HTR1A: variants seen among roughly 807,000 people sequenced by gnomAD.
HTR1A encodes 5-HT1a receptor.
In HTR1A, 17 loss-of-function variants were observed where a neutral mutation model predicts 24.6. The observed-to-expected ratio is 0.69, with a 90% CI of 0.47 to 1.04. HTR1A has a LOEUF of 1.04. HTR1A is among the 50% of genes least tolerant of loss of function. The pLI is 0.00. For missense variants in HTR1A, 515 were observed against 565.1 expected (o/e 0.91, Z 0.90); for synonymous variants, 262 against 244.6 (o/e 1.07, Z -0.67).
rs1429353062 is a variant in HTR1A at position 63,961,706 on chromosome 5, C to T, written c.14G>A (p.Ser5Asn). Reference sequence around the variant, plus strand: ...TGTGGTGTTGTTGCCCTGACCAGGGCTGAGCACATCCATGCCTGCGCGCCC... The same window carrying T: ...TGTGGTGTTGTTGCCCTGACCAGGGTTGAGCACATCCATGCCTGCGCGCCC... MDVL[S>N]PGQGNNTTSP... Residue 5 changes from serine to asparagine, a missense_variant, in exon 1 of 1, where the codon AGC becomes AAC. Transcript: ENST00000323865. The T allele has an allele frequency of 6.2e-7, 1 of 1,613,682 alleles. No individual in the cohort carries two copies. The highest frequency in any genetic ancestry group is 1.3e-5 in the African/African-American group (1 of 74,956).
In HTR1A at chr5:63,960,371, T is replaced by A. The variant is rs1214938797; in HGVS notation, c.*80A>T. On this transcript the variant is annotated 3_prime_UTR_variant, in exon 1 of 1. Coordinates refer to ENST00000323865, the MANE Select transcript of HTR1A (RefSeq NM_000524.4). Reference sequence around the variant, plus strand: ...AGGAGAAGTGGCGAATTATCTTAAGTGTTGATTCCCTAGGGTTGGGGGAAG... The same window carrying A: ...AGGAGAAGTGGCGAATTATCTTAAGAGTTGATTCCCTAGGGTTGGGGGAAG... The A allele has an allele frequency of 1.4e-6, 2 of 1,388,904 alleles. No homozygotes were observed. Among genetic ancestry groups the A allele is most frequent in the East Asian group, 2.3e-5 (1 of 43,768 alleles). The allele number at this position is 1,388,904 out of a possible 1,614,324, so 86.0% of individuals were successfully genotyped here.
rs568449506 is a variant in HTR1A at position 63,959,683 on chromosome 5, C to G, written c.*768G>C. Reference sequence around the variant, plus strand: ...CCCTCCTCCTCCTTGCTCTCCCCCACTGGCCCGGCCTTGTACTTACAAGTC... The same window carrying G: ...CCCTCCTCCTCCTTGCTCTCCCCCAGTGGCCCGGCCTTGTACTTACAAGTC... On this transcript the variant is annotated 3_prime_UTR_variant, in exon 1 of 1. Transcript: ENST00000323865. 1.3e-5 allele frequency among the ~76,000 whole-genome samples: 2 copies of G among 152,380 alleles called. No homozygotes were observed. Among genetic ancestry groups the G allele is most frequent in the African/African-American group, 4.8e-5 (2 of 41,596 alleles).
In HTR1A at chr5:63,961,535, G is replaced by A. The variant is rs751944692; in HGVS notation, c.185C>T (p.Ala62Val). 13 of 1,614,148 alleles carry A rather than the reference G, an allele frequency of 8.1e-6. No homozygotes were observed. In the South Asian group the frequency reaches 1.2e-4, roughly 15 times the overall value. The change falls in exon 1 of 1, where the codon GCC (alanine) becomes GTC (valine). Residue 62 changes from alanine (A) to valine (V), a missense_variant. This residue lies in a region of HTR1A where 80 missense variants were observed against 130.8 expected (regional missense o/e 0.61). Coordinates refer to ENST00000323865, the MANE Select transcript of HTR1A (RefSeq NM_000524.4). ...CACGTTCTGCAGGGAGCGCTCCAAG[G>A]CGATGGCAGCCACCACGCACGCATT... is the stretch of plus-strand genomic sequence containing the variant. ...LGNACVVAAI[A>V]LERSLQNVAN... is the part of the protein sequence containing the mutation.
In HTR1A at chr5:63,960,035, G is replaced by A. The variant is rs1042480687; in HGVS notation, c.*416C>T. Among the ~76,000 whole-genome samples the A allele has an allele frequency of 6.6e-6, 1 of 152,242 alleles. No individual in the cohort carries two copies. Among genetic ancestry groups the A allele is most frequent in the Non-Finnish European group, 1.5e-5 (1 of 68,048 alleles). On this transcript the variant is annotated 3_prime_UTR_variant, in exon 1 of 1. Transcript: ENST00000323865. ...GTCCAAGTTCTAGAAGTTGGGTGAT[G>A]GGGTGGAGCCCCTTAGTGGGCGCGG...
At position 63,960,432 on chromosome 5, in the gene HTR1A, GC is replaced by G. The variant is rs1746403336; in HGVS notation, c.*18del. On this transcript the variant is annotated 3_prime_UTR_variant, in exon 1 of 1. Coordinates refer to ENST00000323865, the MANE Select transcript of HTR1A (RefSeq NM_000524.4). ...GGGACGGATCCTGTAGCCTCGACTG[GC>G]CGGCTACTCCTCCGTCATCACTGGC... 6.2e-7 allele frequency: 1 copy of G among 1,613,020 alleles called. No individual in the cohort carries two copies. The highest frequency in any genetic ancestry group is 2.2e-5 in the East Asian group (1 of 44,874).
Position 63,958,267 on chromosome 5 carries a change from G to T in HTR1A, c.*2184C>A, listed in dbSNP as rs1342115675. ...AGAAGTCTATCTTATCTTCTTCACT[G>T]CAGACCCTTCTCAGCATTATACATG... On this transcript the variant is annotated 3_prime_UTR_variant, in exon 1 of 1. Coordinates refer to ENST00000323865, the MANE Select transcript of HTR1A (RefSeq NM_000524.4). Among the ~76,000 whole-genome samples, 1 of 152,162 alleles carries T rather than the reference G, an allele frequency of 6.6e-6. No individual in the cohort carries two copies. Among genetic ancestry groups the T allele is most frequent in the Admixed American group, 6.5e-5 (1 of 15,272 alleles).
chr5:63,960,581 A>AGGGT lies in HTR1A; in HGVS notation c.1135_1138dup (p.Leu380HisfsTer18). ...CAGCCAATTGATTATGGCGCCCAAC[A>AGGGT]GGGTGGGCATGTGGCAGCTGCTCTC... On this transcript the variant is annotated frameshift_variant, in exon 1 of 1. Coordinates refer to ENST00000323865, the MANE Select transcript of HTR1A (RefSeq NM_000524.4). LOFTEE classifies it high-confidence loss of function. 6.2e-7 allele frequency: 1 copy of AGGGT among 1,614,230 alleles called. No individual in the cohort carries two copies. The highest frequency in any genetic ancestry group is 8.5e-7 in the Non-Finnish European group (1 of 1,180,044).
rs977019564 is a variant in HTR1A at position 63,958,611 on chromosome 5, T to C, written c.*1840A>G. Among the ~76,000 whole-genome samples, 5 of 152,170 alleles carry C rather than the reference T, an allele frequency of 3.3e-5. No homozygotes were observed. The highest frequency in any genetic ancestry group is 7.4e-5 in the Non-Finnish European group (5 of 68,026). On this transcript the variant is annotated 3_prime_UTR_variant, in exon 1 of 1. Coordinates refer to ENST00000323865, the MANE Select transcript of HTR1A (RefSeq NM_000524.4). ...GTGAATTTTCTGGAAAACAAGACCA[T>C]TATTCATAAGAAAATTGGAGGCTAG...
Position 63,961,861 on chromosome 5 carries a change from C to T in HTR1A, c.-142G>A, listed in dbSNP as rs1746448145. 3.6e-6 allele frequency: 3 copies of T among 824,444 alleles called. No individual in the cohort carries two copies. Among genetic ancestry groups the T allele is most frequent in the Non-Finnish European group, 6.0e-6 (3 of 499,398 alleles). 51.1% of individuals were successfully genotyped at this position (824,444 alleles called of 1,614,324 possible). A position where few individuals can be genotyped will look rare whatever the true frequency, so the allele number is the denominator to read the frequency against. ...CAGAGACCCAAGCAGGAAGTTCTTA[C>T]TGCTTCGGCGAAGGGTATCTCCGAG... is the stretch of plus-strand genomic sequence containing the variant. On this transcript the variant is annotated 5_prime_UTR_variant, in exon 1 of 1. Transcript: ENST00000323865.
chr5:63,960,586 G>A lies in HTR1A; in HGVS notation c.1134C>T (p.Pro378=), dbSNP rs199715792. Reference sequence around the variant, plus strand: ...AATTGATTATGGCGCCCAACAGGGTGGGCATGTGGCAGCTGCTCTCGCAGA... The same window carrying A: ...AATTGATTATGGCGCCCAACAGGGTAGGCATGTGGCAGCTGCTCTCGCAGA... The part of the protein sequence containing the change: ...LPFCESSCHM[P]TLLGAIINWL... Residue 378 remains proline (P), a synonymous_variant, in exon 1 of 1, where the codon CCC becomes CCT. Transcript: ENST00000323865. 1.2e-6 allele frequency: 2 copies of A among 1,614,112 alleles called. No homozygotes were observed. Among genetic ancestry groups the A allele is most frequent in the Admixed American group, 1.7e-5 (1 of 60,012 alleles).
rs1746457259 is a variant in HTR1A, at chr5:63,962,395, C to T, written c.-676G>A. Reference sequence around the variant, plus strand: ...TGCCTCTTTCCTCTGGGTCCCCGCCCTCCTCTCCCTCTAGCTCAGCGTCTT... The same window carrying T: ...TGCCTCTTTCCTCTGGGTCCCCGCCTTCCTCTCCCTCTAGCTCAGCGTCTT... On this transcript the variant is annotated 5_prime_UTR_variant, in exon 1 of 1. Transcript: ENST00000323865. 5.0e-5 allele frequency: 8 copies of T among 159,050 alleles called. No homozygotes were observed. Among genetic ancestry groups the T allele is most frequent in the Admixed American group, 3.5e-4 (6 of 17,040 alleles). 9.9% of individuals were successfully genotyped at this position (159,050 alleles called of 1,614,324 possible). A position where few individuals can be genotyped will look rare whatever the true frequency, so the allele number is the denominator to read the frequency against.
Position 63,961,800 on chromosome 5 carries a change from C to T in HTR1A, c.-81G>A, listed in dbSNP as rs1259097135. ...CCTCGCCCCTTCCCCTGGGGTCTTC[C>T]GCCCTTCTCCTGGGAAGTTTCGGAG... On this transcript the variant is annotated 5_prime_UTR_variant, in exon 1 of 1. Coordinates refer to ENST00000323865, the MANE Select transcript of HTR1A (RefSeq NM_000524.4). 2.8e-6 allele frequency: 4 copies of T among 1,432,628 alleles called. No individual in the cohort carries two copies. In the African/African-American group the frequency reaches 4.2e-5, roughly 15 times the overall value. The allele number at this position is 1,432,628 out of a possible 1,614,324, so 88.7% of individuals were successfully genotyped here. A position where few individuals can be genotyped will look rare whatever the true frequency, so the allele number is the denominator to read the frequency against.
In HTR1A at chr5:63,961,452, G is replaced by A. The variant is rs372275048; in HGVS notation, c.268C>T (p.Leu90=). 1.7e-5 allele frequency: 28 copies of A among 1,613,808 alleles called. No homozygotes were observed. The highest frequency in any genetic ancestry group is 2.3e-5 in the Non-Finnish European group (27 of 1,179,896). ...VTDLMVSVLV[L]PMAALYQVLN... is the part of the protein sequence containing the mutation. ...ACCTGATACAGCGCGGCCATGGGCA[G>A]CACCAACACCGACACCATGAGGTCG... Residue 90 remains leucine, a synonymous_variant, in exon 1 of 1, where the codon CTG becomes TTG. Coordinates refer to ENST00000323865, the MANE Select transcript of HTR1A (RefSeq NM_000524.4).
rs140471121 is a variant in HTR1A at position 63,960,275 on chromosome 5, A to C, written c.*176T>G. Reference sequence around the variant, plus strand: ...CCTCCGCTGGGTCTCCTTTGCACAAAGGGCCCTGCCGTGGAGCAGGAAGTG... The same window carrying C: ...CCTCCGCTGGGTCTCCTTTGCACAACGGGCCCTGCCGTGGAGCAGGAAGTG... On this transcript the variant is annotated 3_prime_UTR_variant, in exon 1 of 1. Transcript: ENST00000323865. 4,815 of 727,340 alleles carry C rather than the reference A, an allele frequency of 6.6e-3. 23 individuals carry two copies. The highest frequency in any genetic ancestry group is 9.0e-3 in the Non-Finnish European group (3,722 of 414,080). The allele number at this position is 727,340 out of a possible 1,614,324, so 45.1% of individuals were successfully genotyped here.
Position 63,960,830 on chromosome 5 carries a change from C to T in HTR1A, c.890G>A (p.Arg297Gln), listed in dbSNP as rs866709542. The T allele has an allele frequency of 1.2e-6, 2 of 1,614,022 alleles. No individual in the cohort carries two copies. The highest frequency in any genetic ancestry group is 2.7e-5 in the African/African-American group (2 of 74,940). The change falls in exon 1 of 1, where the codon CGA (arginine) becomes CAA (glutamine). Residue 297 changes from arginine to glutamine, a missense_variant. Physicochemically the swap from Arg to Gln is conservative, Grantham distance 43 (BLOSUM62 1). Coordinates refer to ENST00000323865, the MANE Select transcript of HTR1A (RefSeq NM_000524.4). ...CAAGTGCTCTTTGGAGTTGCCCACT[C>T]GGTGCACCTCGATCACCTCCAGGGC... ...GAALEVIEVH[R>Q]VGNSKEHLPL...
rs773610616 is a variant in HTR1A at position 63,961,300 on chromosome 5, G to A, written c.420C>T (p.Asp140=). 3 of 1,614,130 alleles carry A rather than the reference G, an allele frequency of 1.9e-6. No individual in the cohort carries two copies. Among genetic ancestry groups the A allele is most frequent in the Non-Finnish European group, 1.7e-6 (2 of 1,180,000 alleles). Residue 140 remains aspartate, a synonymous_variant, in exon 1 of 1, where the codon GAC becomes GAT. Transcript: ENST00000323865. ...TCCTCTTGTTCACGTAGTCGATGGG[G>A]TCCGTGATGGCCCAGTACCTGTCCA... ...IALDRYWAIT[D]PIDYVNKRTP... is the part of the protein sequence containing the mutation.
Position 63,961,405 on chromosome 5 carries a change from G to T in HTR1A, c.315C>A (p.Gly105=). 1 of 1,613,812 alleles carries T rather than the reference G, an allele frequency of 6.2e-7. No homozygotes were observed. The highest frequency in any genetic ancestry group is 8.5e-7 in the Non-Finnish European group (1 of 1,179,844). The change falls in exon 1 of 1, where the codon GGC becomes GGA. Residue 105 remains glycine (G), a synonymous_variant. Transcript: ENST00000323865. ...LYQVLNKWTL[G]QVTCDLFIAL... is the part of the protein sequence containing the mutation. ...CGATGAACAGGTCGCAGGTTACCTGGCCCAGTGTCCACTTGTTGAGCACCT... is the reference window on the plus strand; with the variant it reads ...CGATGAACAGGTCGCAGGTTACCTGTCCCAGTGTCCACTTGTTGAGCACCT...
rs199601770 is a variant in HTR1A, at chr5:63,961,725, C to T, written c.-6G>A. On this transcript the variant is annotated 5_prime_UTR_variant, in exon 1 of 1. Coordinates refer to ENST00000323865, the MANE Select transcript of HTR1A (RefSeq NM_000524.4). The stretch of plus-strand genomic sequence containing the variant: ...CCAGGGCTGAGCACATCCATGCCTG[C>T]GCGCCCGGCGCGGGAAGGGGGAGGG... The T allele has an allele frequency of 6.2e-7, 1 of 1,613,712 alleles. No individual in the cohort carries two copies. The highest frequency in any genetic ancestry group is 2.2e-5 in the East Asian group (1 of 44,836).
In HTR1A at chr5:63,960,666, C is replaced by G; in HGVS notation, c.1054G>C (p.Gly352Arg). Residue 352 changes from glycine (G) to arginine (R), a missense_variant, in exon 1 of 1, where the codon GGC (glycine) becomes CGC (arginine). Gly to Arg is a moderately radical substitution (Grantham distance 125). Transcript: ENST00000323865. ...KTVKTLGIIMGTFILCWLPFF... is the reference protein window; with the variant it reads ...KTVKTLGIIMRTFILCWLPFF... ...GGCAGCCAGCAGAGGATGAAGGTGC[C>G]CATGATGATGCCCAGCGTCTTCACT... 1 of 1,614,216 alleles carries G rather than the reference C, an allele frequency of 6.2e-7. No individual in the cohort carries two copies. Among genetic ancestry groups the G allele is most frequent in the Non-Finnish European group, 8.5e-7 (1 of 1,180,044 alleles).
Sources: allele counts gnomAD v4.1 joint callset (sites outside exome capture counted in the v4.1 genomes callset), GRCh38; gene constraint gnomAD v4.1.1; regional missense constraint gnomAD v4.1.1; transcripts MANE v1.5; gene names NCBI Gene and HGNC (gene_info 2026-07-23, HGNC 2026-07-21).